Variants in RTL4 observed in about 807,000 individuals in gnomAD.
RTL4 encodes the protein retrotransposon Gag like 4, also known as retrotransposon Gag-like protein 4.
RTL4 carries 4 observed loss-of-function variants against 5.3 expected under a neutral mutation model. The ratio of observed to expected loss-of-function variants is 0.75; its 90% CI spans 0.37 to 1.72. The LOEUF (loss-of-function observed/expected upper bound fraction) is 1.72, where lower values mean the gene tolerates loss of function less well. Ranked by LOEUF, RTL4 falls within the 40% of genes most tolerant of loss-of-function variation. The pLI, the probability that RTL4 is intolerant of heterozygous loss-of-function variation, is 0.04. For synonymous variants in RTL4, 98 were observed against 87.3 expected, an observed-to-expected ratio of 1.12 and a Z score of -0.68; for missense variants, 260 against 227.1, an observed-to-expected ratio of 1.14 and a Z score of -0.93.
chrX:112,422,073 A>G, the RTL4 span, among the ~76,000 whole-genome samples: 41 of 112,392 alleles, frequency 3.6e-4, no homozygotes, highest in Non-Finnish European at 7.3e-4. Context: ...TTCTATTGCT[A>G]ACAATATTTG....
chrX:112,145,743 C>A, the RTL4 span, among the ~76,000 whole-genome samples: 1 of 111,588 alleles, frequency 9.0e-6, no homozygotes, highest in Admixed American at 9.5e-5. Context: ...TGGGGACAGA[C>A]ACTTGTTCCT....
At chrX:112,206,514 G>GCTCT in the RTL4 span, among the ~76,000 whole-genome samples, 2 of 111,221 alleles carry the variant, frequency 1.8e-5, no homozygotes, top group Non-Finnish European at 3.8e-5. Context: ...ATGACACCAT[G>GCTCT]CTCTCCTGGT....
chrX:112,315,236 A>G, the RTL4 span, among the ~76,000 whole-genome samples: 1 of 111,619 alleles, frequency 9.0e-6, no homozygotes, highest in Non-Finnish European at 1.9e-5. Context: ...AAGTAGATCT[A>G]GCAGGCTCCT....
chrX:112,233,780 C>T, the RTL4 span, among the ~76,000 whole-genome samples: 1 of 111,282 alleles, frequency 9.0e-6, no homozygotes, highest in African/African-American at 3.3e-5. Flanking sequence ...GAGGATTAAG[C>T]ACATACATAA....
the RTL4 span, among the ~76,000 whole-genome samples, chrX:112,432,643 A>T: frequency 2.2e-5 from 2 of 92,465 alleles, no homozygotes; most frequent in Non-Finnish European, 4.3e-5. Context: ...CCTTTGTCAG[A>T]TGAGTAGGTT....
the RTL4 span, among the ~76,000 whole-genome samples, chrX:112,421,750 T>C: frequency 3.6e-5 from 4 of 112,087 alleles, no homozygotes; most frequent in Non-Finnish European, 1.9e-5. Context: ...TGTTCTTCAG[T>C]TTGGAATTTG....
At chrX:112,416,584 T>C in the RTL4 span, among the ~76,000 whole-genome samples, 1 of 112,018 alleles carries the variant, frequency 8.9e-6, no homozygotes, top group Non-Finnish European at 1.9e-5. Flanking sequence ...TCCATAACAC[T>C]GGCTAGTATT....
chrX:112,285,146 T>A, the RTL4 span, among the ~76,000 whole-genome samples: 1 of 112,017 alleles, frequency 8.9e-6, no homozygotes, highest in Non-Finnish European at 1.9e-5. Flanking sequence ...TGAATCTGCC[T>A]CTAGCTGGAT....
At chrX:112,429,548 C>T in the RTL4 span, among the ~76,000 whole-genome samples, 3 of 109,681 alleles carry the variant, frequency 2.7e-5, no homozygotes, top group Non-Finnish European at 5.7e-5. Flanking sequence ...TTTATGTTGC[C>T]ATTATTATTT....
the RTL4 span, among the ~76,000 whole-genome samples, chrX:112,397,502 C>T: frequency 9.0e-6 from 1 of 111,603 alleles, no homozygotes; most frequent in Non-Finnish European, 1.9e-5. Flanking sequence ...CTTCCATACA[C>T]ATTTTAAAAT....
the RTL4 span, among the ~76,000 whole-genome samples, chrX:112,195,811 A>G: frequency 9.0e-6 from 1 of 111,648 alleles, no homozygotes; most frequent in Non-Finnish European, 1.9e-5. Context: ...CATTAGACAG[A>G]CATGATAGAA....
chrX:112,188,659 T>C, the RTL4 span, among the ~76,000 whole-genome samples: 1 of 111,054 alleles, frequency 9.0e-6, no homozygotes, highest in Admixed American at 9.6e-5. Flanking sequence ...GCCTTCCACT[T>C]TCAGTGACTC....
At chrX:112,103,752 T>C in the RTL4 span, among the ~76,000 whole-genome samples, 5 of 110,688 alleles carry the variant, frequency 4.5e-5, no homozygotes, top group Non-Finnish European at 9.5e-5. Flanking sequence ...TTTATTATTA[T>C]TTATTATTTA....
At chrX:112,307,110 G>A in the RTL4 span, among the ~76,000 whole-genome samples, 2 of 111,846 alleles carry the variant, frequency 1.8e-5, no homozygotes, top group Admixed American at 9.5e-5. Flanking sequence ...CCTGTTAATA[G>A]CTCTTGACTC....
chrX:112,111,919 G>A, the RTL4 span, among the ~76,000 whole-genome samples: 7 of 111,743 alleles, frequency 6.3e-5, no homozygotes, highest in East Asian at 2.8e-4. Context: ...GTTGAGGGCC[G>A]CACACATGTG....
the RTL4 span, among the ~76,000 whole-genome samples, chrX:112,281,582 A>T: frequency 3.6e-5 from 4 of 110,892 alleles, no homozygotes; most frequent in Admixed American, 3.8e-4. Context: ...TTCCAAAATG[A>T]CTCTACTAAT....
At chrX:112,148,005 C>G in the RTL4 span, among the ~76,000 whole-genome samples, 9,773 of 111,131 alleles carry the variant, frequency 0.088, 1,077 homozygotes, top group African/African-American at 0.3. Context: ...TCTATTTTCT[C>G]CACTAGTTGG....
chrX:112,272,216 T>A, the RTL4 span, among the ~76,000 whole-genome samples: 4 of 112,471 alleles, frequency 3.6e-5, no homozygotes, highest in Non-Finnish European at 7.5e-5. Context: ...AAAATTGTGG[T>A]AATAGAGAAA....
upstream of RTL4, among the ~76,000 whole-genome samples, chrX:112,453,946 C>T (rs962045838): frequency 2.7e-5 from 3 of 111,231 alleles, no homozygotes; most frequent in Non-Finnish European, 5.6e-5. Flanking sequence ...GGACAACAAC[C>T]CTGATGAGCA....
Sources: gnomAD v4.1 joint callset for allele counts (sites outside exome capture counted in the v4.1 genomes callset) on GRCh38, gnomAD v4.1.1 for gene constraint, MANE v1.5 for transcripts, NCBI Gene and HGNC (gene_info 2026-07-23, HGNC 2026-07-21) for gene names.